The following CNTROB variants were observed in gnomAD, a reference collection of about 807,000 sequenced individuals.
CNTROB encodes the protein centrobin.
CNTROB carries 82 observed loss-of-function variants against 115.7 expected under a neutral mutation model. The ratio of observed to expected loss-of-function variants is 0.71; its 90% CI spans 0.59 to 0.85. The LOEUF (loss-of-function observed/expected upper bound fraction) is 0.85, where lower values mean the gene tolerates loss of function less well. Among genes scored for constraint, CNTROB ranks in the 40% least tolerant of loss-of-function variants. The pLI is 0.00. For missense variants in CNTROB, 1,014 were observed against 1,144.4 expected, an observed-to-expected ratio of 0.89 and a Z score of 1.64; for synonymous variants, 439 against 456.4, an observed-to-expected ratio of 0.96 and a Z score of 0.49.
intron 13 of CNTROB, among the ~76,000 whole-genome samples, chr17:7,947,205 A>T (rs969878327): frequency 1.3e-5 from 2 of 152,168 alleles, no homozygotes; most frequent in African/African-American, 2.4e-5. Flanking sequence ...ACAATTAAAA[A>T]TTTTTTAATT....
At chr17:7,940,304 C>T in intron 9 of CNTROB, 62 bp downstream of exon 9, 1 of 1,476,456 alleles carries the variant, frequency 6.8e-7, no homozygotes, top group South Asian at 1.3e-5. Context: ...GGCAGAGGGA[C>T]CTCTCAGGAG....
Position 7,944,714 on chromosome 17 carries a change from C to A in CNTROB, c.1734+76C>A. 2 of 1,505,956 alleles carry A rather than the reference C, an allele frequency of 1.3e-6. No individual in the cohort carries two copies. The highest frequency in any genetic ancestry group is 1.3e-5 in the South Asian group (1 of 79,336). The allele number at this position is 1,505,956 out of a possible 1,614,324, so 93.3% of individuals were successfully genotyped here. A position where few individuals can be genotyped will look rare whatever the true frequency, so the allele number is the denominator to read the frequency against. ...TTTATTTTTGAGACAGGGTCTCACT[C>A]TTGCCCAGGCTGGAGTGTACTGGTG... is the stretch of plus-strand genomic sequence containing the variant. On this transcript the variant is annotated intron_variant, in intron 12 of 18. Transcript: ENST00000563694. This position sits in a 1 kb window ranked among gnomAD's most constrained non-coding sequence, Gnocchi z 4.0.
At position 7,943,822 on chromosome 17, in the gene CNTROB, T is replaced by C. The variant is rs1258497934; in HGVS notation, c.1445+298T>C. ...TGGGACAGTGCTGAGGTATGACCTG[T>C]GCTGTCTCCAGAGCTGCTCTGTCGG... is the stretch of plus-strand genomic sequence containing the variant. On this transcript the variant is annotated intron_variant, in intron 10 of 18. Coordinates refer to ENST00000563694, the MANE Select transcript of CNTROB (RefSeq NM_053051.5). The surrounding 1 kb of genome is among the most constrained non-coding windows in gnomAD (Gnocchi z 4.7). Among the ~76,000 whole-genome samples the C allele has an allele frequency of 6.6e-6, 1 of 152,212 alleles. No homozygotes were observed. The highest frequency in any genetic ancestry group is 1.5e-5 in the Non-Finnish European group (1 of 68,030).
Position 7,935,163 on chromosome 17 carries a change from C to T in CNTROB, c.594+18C>T, listed in dbSNP as rs1465374270. 1.2e-6 allele frequency: 2 copies of T among 1,613,740 alleles called. No individual in the cohort carries two copies. Among genetic ancestry groups the T allele is most frequent in the Admixed American group, 1.7e-5 (1 of 59,994 alleles). On this transcript the variant is annotated intron_variant, in intron 4 of 18. Transcript: ENST00000563694. ...GCCGCAAGGTAAGATGCAAACGCTT[C>T]CTTTCGAAAGCAGCAAAGATTAGAA...
Position 7,936,712 on chromosome 17 carries a change from T to C in CNTROB, c.723T>C (p.Arg241=). 2.1e-6 allele frequency: 3 copies of C among 1,451,048 alleles called. No individual in the cohort carries two copies. Among genetic ancestry groups the C allele is most frequent in the Non-Finnish European group, 2.9e-6 (3 of 1,031,212 alleles). The allele number at this position is 1,451,048 out of a possible 1,614,324, so 89.9% of individuals were successfully genotyped here. A position where few individuals can be genotyped will look rare whatever the true frequency, so the allele number is the denominator to read the frequency against. ...TTGCCCTACCTAAGACCCTGGCCCG[T>C]GTGGTGGAGGGCTGGAACCGGCATG... ...MIEQLDKTLA[R]VVEGWNRHEA... is the part of the protein sequence containing the mutation. Residue 241 remains arginine (R), a synonymous_variant, in exon 6 of 19, where the codon CGT becomes CGC. Coordinates refer to ENST00000563694, the MANE Select transcript of CNTROB (RefSeq NM_053051.5).
chr17:7,937,840 TCTGGGACTCAC>T (rs1973370205), intron 7 of CNTROB, among the ~76,000 whole-genome samples: 1 of 151,870 alleles, frequency 6.6e-6, no homozygotes, highest in Admixed American at 6.6e-5. Context: ...AATAAAGATT[TCTGGGACTCAC>T]CTGCAGAGGT....
In CNTROB at chr17:7,944,259, C is replaced by G. The variant is rs1396608940; in HGVS notation, c.1571+11C>G. 6.2e-7 allele frequency: 1 copy of G among 1,613,346 alleles called. No individual in the cohort carries two copies. Among genetic ancestry groups the G allele is most frequent in the African/African-American group, 1.3e-5 (1 of 75,026 alleles). On this transcript the variant is annotated intron_variant, in intron 11 of 18. Transcript: ENST00000563694. This position sits in a 1 kb window ranked among gnomAD's most constrained non-coding sequence, Gnocchi z 4.0. Reference sequence around the variant, plus strand: ...GGACTACGAGCTCAGGTCCTGGTCCCCAGAGTGCCCCTTTCAGGCCCCAGC... The same window carrying G: ...GGACTACGAGCTCAGGTCCTGGTCCGCAGAGTGCCCCTTTCAGGCCCCAGC...
chr17:7,934,409 C>G (rs1035771412), intron 2 of CNTROB, 56 bp from the exon 3 acceptor site: 1 of 1,521,990 alleles, frequency 6.6e-7, no homozygotes, highest in Non-Finnish European at 9.1e-7. Context: ...CTTCAGGTGG[C>G]CCCTGTTTTT....
At chr17:7,938,861 C>T (rs1356888502) in intron 7 of CNTROB, among the ~76,000 whole-genome samples, 2 of 152,208 alleles carry the variant, frequency 1.3e-5, no homozygotes, top group Non-Finnish European at 2.9e-5. Context: ...TCACTGCAAC[C>T]TCCGCCTCCC....
chr17:7,944,731 G>A lies in CNTROB; in HGVS notation c.1734+93G>A. The A allele has an allele frequency of 6.9e-7, 1 of 1,458,142 alleles. No homozygotes were observed. The highest frequency in any genetic ancestry group is 1.3e-5 in the South Asian group (1 of 75,720). 90.3% of individuals were successfully genotyped at this position (1,458,142 alleles called of 1,614,324 possible). ...GTCTCACTCTTGCCCAGGCTGGAGTGTACTGGTGAGATCATAGCTCATTGC... is the reference window on the plus strand; with the variant it reads ...GTCTCACTCTTGCCCAGGCTGGAGTATACTGGTGAGATCATAGCTCATTGC... On this transcript the variant is annotated intron_variant, in intron 12 of 18. Coordinates refer to ENST00000563694, the MANE Select transcript of CNTROB (RefSeq NM_053051.5). This position sits in a 1 kb window ranked among gnomAD's most constrained non-coding sequence, Gnocchi z 4.0.
Position 7,948,566 on chromosome 17 carries a change from G to A in CNTROB, c.2460G>A (p.Gly820=), listed in dbSNP as rs750469993. 8 of 1,614,162 alleles carry A rather than the reference G, an allele frequency of 5.0e-6. No homozygotes were observed. Among genetic ancestry groups the A allele is most frequent in the South Asian group, 1.1e-5 (1 of 91,084 alleles). ...GACTCTACCAGGCTCGGGGCTGGGGGGCTCTGCCTGCTGAGGATCTCCTGC... is the reference window on the plus strand; with the variant it reads ...GACTCTACCAGGCTCGGGGCTGGGGAGCTCTGCCTGCTGAGGATCTCCTGC... ...LLRLYQARGW[G]ALPAEDLLLY... The change falls in exon 17 of 19, where the codon GGG becomes GGA. Residue 820 remains glycine, a synonymous_variant. Coordinates refer to ENST00000563694, the MANE Select transcript of CNTROB (RefSeq NM_053051.5). The surrounding 1 kb of genome is among the most constrained non-coding windows in gnomAD (Gnocchi z 4.4).
chr17:7,946,125 A>T, intron 13 of CNTROB, 139 bp downstream of exon 13: 1 of 730,268 alleles, frequency 1.4e-6, no homozygotes, highest in Non-Finnish European at 2.3e-6. Context: ...AGGAGCAGAA[A>T]TCTGCTCACA....
Position 7,943,999 on chromosome 17 carries a change from C to A in CNTROB, c.1446-124C>A. 1 of 701,646 alleles carries A rather than the reference C, an allele frequency of 1.4e-6. No individual in the cohort carries two copies. Among genetic ancestry groups the A allele is most frequent in the Non-Finnish European group, 2.5e-6 (1 of 401,052 alleles). 43.5% of individuals were successfully genotyped at this position (701,646 alleles called of 1,614,324 possible). ...AGCTTTGTCCTTGCCGCTTCCTGTG[C>A]CATGGCCAGGCTAGCTGACTGGCTA... On this transcript the variant is annotated intron_variant, in intron 10 of 18. Transcript: ENST00000563694. The surrounding 1 kb of genome is among the most constrained non-coding windows in gnomAD (Gnocchi z 4.7).
At chr17:7,934,594 C>A (rs776598904) in intron 3 of CNTROB, 48 bp downstream of exon 3, 3 of 1,523,812 alleles carry the variant, frequency 2.0e-6, no homozygotes, top group Non-Finnish European at 2.7e-6. Flanking sequence ...TCTTGGAAAT[C>A]CAGGTGTTTT....
At position 7,939,836 on chromosome 17, in the gene CNTROB, G is replaced by C. The variant is rs1973641513; in HGVS notation, c.1164+87G>C. The C allele has an allele frequency of 1.5e-6, 2 of 1,303,082 alleles. No individual in the cohort carries two copies. The highest frequency in any genetic ancestry group is 4.7e-5 in the East Asian group (2 of 42,906). The allele number at this position is 1,303,082 out of a possible 1,614,324, so 80.7% of individuals were successfully genotyped here. On this transcript the variant is annotated intron_variant, in intron 8 of 18. Transcript: ENST00000563694. This position sits in a 1 kb window ranked among gnomAD's most constrained non-coding sequence, Gnocchi z 4.4. ...ATGGGATGGAATGTTAGAATATGGG[G>C]GATACATATAGGCAGGAATGGAGAG...
intron 13 of CNTROB, among the ~76,000 whole-genome samples, chr17:7,946,443 T>C (rs935750302): frequency 4.6e-5 from 7 of 152,148 alleles, no homozygotes; most frequent in African/African-American, 1.7e-4. Flanking sequence ...TTAGGTCCAG[T>C]TTAAAGAGGC....
intron 9 of CNTROB, among the ~76,000 whole-genome samples, chr17:7,941,732 G>A (rs1233072166): frequency 1.3e-5 from 2 of 151,932 alleles, no homozygotes; most frequent in Non-Finnish European, 2.9e-5. Context: ...GGCCGAAACG[G>A]GCAGATTGCT....
intron 9 of CNTROB, among the ~76,000 whole-genome samples, chr17:7,941,206 G>GAA (rs1469118911): frequency 1.3e-5 from 2 of 152,174 alleles, no homozygotes; most frequent in Non-Finnish European, 2.9e-5. Context: ...AATGTGTAAG[G>GAA]ACAAATTGAT....
Position 7,944,196 on chromosome 17 carries a change from A to T in CNTROB, c.1519A>T (p.Met507Leu). The T allele has an allele frequency of 6.2e-7, 1 of 1,613,564 alleles. No individual in the cohort carries two copies. Among genetic ancestry groups the T allele is most frequent in the Non-Finnish European group, 8.5e-7 (1 of 1,179,444 alleles). Residue 507 changes from methionine (M) to leucine (L), a missense_variant, in exon 11 of 19, where the codon ATG becomes TTG. By Grantham distance (15) the Met-to-Leu change is conservative. Transcript: ENST00000563694. This position sits in a 1 kb window ranked among gnomAD's most constrained non-coding sequence, Gnocchi z 4.0. ...TCAGCTAGCTCAGTTCAAGGTGGAAATGGCAGAACGAGAGGAACGGCAACA... is the reference window on the plus strand; with the variant it reads ...TCAGCTAGCTCAGTTCAAGGTGGAATTGGCAGAACGAGAGGAACGGCAACA... ...ASQLAQFKVE[M>L]AEREERQQQV...
Sources: gnomAD v4.1 joint callset for allele counts (sites outside exome capture counted in the v4.1 genomes callset) on GRCh38, gnomAD v4.1.1 for gene constraint, Gnocchi (gnomAD v3.1) non-coding constraint, MANE v1.5 for transcripts, NCBI Gene and HGNC (gene_info 2026-07-23, HGNC 2026-07-21) for gene names.